EI24: variants seen among roughly 807,000 people sequenced by gnomAD.
EI24 encodes the protein etoposide-induced protein 2.4 homolog.
Under a neutral mutation model 48.6 loss-of-function variants are expected in EI24, and 21 were observed. The observed-to-expected ratio is 0.43, with a 90% CI of 0.31 to 0.62. The LOEUF (loss-of-function observed/expected upper bound fraction) is 0.62. Among genes scored for constraint, EI24 ranks in the 20% least tolerant of loss-of-function variants. EI24 has a pLI of 0.10. For synonymous variants in EI24, 114 were observed against 145.5 expected (o/e 0.78, Z 1.56); for missense variants, 280 against 410.5 (o/e 0.68, Z 2.75).
chr11:125,579,102 T>C (rs1938879306), intron 7 of EI24, 34 bp downstream of exon 7: 1 of 1,538,934 alleles, frequency 6.5e-7, no homozygotes, highest in African/African-American at 1.4e-5. Flanking sequence ...TGGGCAGCTT[T>C]ATTAAAAAGA....
intron 1 of EI24, among the ~76,000 whole-genome samples, chr11:125,571,498 A>C (rs538784914): frequency 6.6e-6 from 1 of 152,374 alleles, no homozygotes; most frequent in East Asian, 1.9e-4. Flanking sequence ...GTTTATACAT[A>C]TGAACTTTTT....
rs33956827 is a variant in EI24 at position 125,581,537 on chromosome 11, C to CTTTTTT, written c.785+237_785+242dup. 4.9e-4 allele frequency among the ~76,000 whole-genome samples: 25 copies of CTTTTTT among 50,746 alleles called. 7 individuals are homozygous for CTTTTTT. The highest frequency in any genetic ancestry group is 7.1e-4 in the Non-Finnish European group (21 of 29,620). The allele number at this position is 50,746 out of a possible 152,430, so 33.3% of individuals were successfully genotyped here. The stretch of plus-strand genomic sequence containing the variant: ...TATGTTGCCTCCTGAAGCAATTATT[C>CTTTTTT]TTTTTTTTTTTTTTTTTTTTTTTTT... On this transcript the variant is annotated intron_variant, in intron 9 of 10. Coordinates refer to ENST00000278903, the MANE Select transcript of EI24 (RefSeq NM_004879.5).
chr11:125,575,377 A>G lies in EI24; in HGVS notation c.157A>G (p.Arg53Gly), dbSNP rs766788418. The change falls in exon 3 of 11, where the codon AGA becomes GGA. Residue 53 changes from arginine to glycine, a missense_variant. Around this residue, in one of 3 missense-constraint regions of EI24, gnomAD observed 204 missense variants for 294.1 expected, o/e 0.69. Coordinates refer to ENST00000278903, the MANE Select transcript of EI24 (RefSeq NM_004879.5). ...RRASSVLAQR[R>G]AQSIERKQES... ...GGCAAGTAGTGTCTTGGCACAGAGA[A>G]GAGCCCAGAGTATAGAGCGGAAGCA... 3.8e-6 allele frequency: 6 copies of G among 1,594,554 alleles called. No homozygotes were observed. Among genetic ancestry groups the G allele is most frequent in the Non-Finnish European group, 5.1e-6 (6 of 1,170,360 alleles).
intron 2 of EI24, chr11:125,573,679 C>T (rs1203741822): frequency 8.6e-5 from 8 of 93,218 alleles, no homozygotes; most frequent in Admixed American, 3.1e-4. Flanking sequence ...ATATGATCTC[C>T]TTTTTTTTTT....
chr11:125,579,379 G>A (rs979869625), intron 7 of EI24, among the ~76,000 whole-genome samples: 9 of 150,432 alleles, frequency 6.0e-5, no homozygotes, highest in African/African-American at 1.7e-4. Context: ...AGAGACAGAC[G>A]GGTCGGCTGG....
At chr11:125,574,771 A>G (rs912264833) in intron 2 of EI24, 19 of 153,144 alleles carry the variant, frequency 1.2e-4, no homozygotes, top group African/African-American at 4.1e-4. Context: ...AGAGATTACC[A>G]TGGCTCCTGT....
At chr11:125,578,893 G>A (rs1938867507) in intron 6 of EI24, 56 bp from the exon 7 acceptor site, 1 of 1,536,106 alleles carries the variant, frequency 6.5e-7, no homozygotes, top group Admixed American at 2.0e-5. Context: ...CCTTAGCTTT[G>A]GGGATGTATA....
intron 5 of EI24, chr11:125,577,887 C>T (rs1411559733): frequency 1.0e-5 from 6 of 585,170 alleles, no homozygotes; most frequent in South Asian, 2.2e-5. Context: ...TGTGGCATCT[C>T]GTTACCATCA....
intron 1 of EI24, chr11:125,569,800 G>C (rs984267776): frequency 4.8e-5 from 13 of 271,202 alleles, no homozygotes; most frequent in Non-Finnish European, 2.8e-5. Context: ...GACCCGGAGC[G>C]TGCGTGATCC....
chr11:125,579,205 A>T (rs1938883532), intron 7 of EI24, 137 bp downstream of exon 7: 2 of 751,384 alleles, frequency 2.7e-6, no homozygotes, highest in South Asian at 5.1e-5. Flanking sequence ...ATGATTTTTA[A>T]ATCTTTTTTT....
chr11:125,570,546 T>A (rs1938497707), intron 1 of EI24: 2 of 152,170 alleles, frequency 1.3e-5, no homozygotes, highest in African/African-American at 4.8e-5. Flanking sequence ...AGAAACCAGG[T>A]GTTAGCTGGC....
At chr11:125,577,941 TGA>T (rs1938816891) in intron 5 of EI24, 190 bp from the exon 6 acceptor site, 4 of 666,016 alleles carry the variant, frequency 6.0e-6, no homozygotes, top group Non-Finnish European at 1.0e-5. Flanking sequence ...ATGGTTTCTT[TGA>T]ATTGGAATTG....
Position 125,580,158 on chromosome 11 carries a change from C to A in EI24, c.627C>A (p.Ser209=). Reference sequence around the variant, plus strand: ...AGCTGGTTAGTCTCCTGCATATGTCCCTTCTCTACTCACTGTACTGCTTTG... The same window carrying A: ...AGCTGGTTAGTCTCCTGCATATGTCACTTCTCTACTCACTGTACTGCTTTG... ...VGQLVSLLHM[S]LLYSLYCFEY... is the part of the protein sequence containing the mutation. Residue 209 remains serine, a synonymous_variant, in exon 8 of 11, where the codon TCC becomes TCA. Coordinates refer to ENST00000278903, the MANE Select transcript of EI24 (RefSeq NM_004879.5). 1.2e-6 allele frequency: 2 copies of A among 1,613,774 alleles called. No individual in the cohort carries two copies. The highest frequency in any genetic ancestry group is 1.7e-6 in the Non-Finnish European group (2 of 1,179,702).
At chr11:125,579,963 C>A in intron 7 of EI24, 130 bp from the exon 8 acceptor site, 1 of 744,472 alleles carries the variant, frequency 1.3e-6, no homozygotes, top group Non-Finnish European at 2.4e-6. Flanking sequence ...TGTGCCCACC[C>A]TGCACTCGGC....
rs192578033 is a variant in EI24, at chr11:125,579,582, G to A, written c.562-511G>A. On this transcript the variant is annotated intron_variant, in intron 7 of 10. Transcript: ENST00000278903. ...CTCGGGAAGCTGAGGCAGGAGAATC[G>A]CTTGAACCCAGGAGGCAGAGATTGT... 6.1e-3 allele frequency among the ~76,000 whole-genome samples: 927 copies of A among 152,178 alleles called. 5 individuals are homozygous for A. The highest frequency in any genetic ancestry group is 0.021 in the African/African-American group (885 of 41,514).
Position 125,582,440 on chromosome 11 carries a change from G to T in EI24, c.860+20G>T, listed in dbSNP as rs1251176795. 1 of 1,571,118 alleles carries T rather than the reference G, an allele frequency of 6.4e-7. No individual in the cohort carries two copies. The highest frequency in any genetic ancestry group is 1.9e-5 in the Admixed American group (1 of 52,964). On this transcript the variant is annotated intron_variant, in intron 10 of 10. Coordinates refer to ENST00000278903, the MANE Select transcript of EI24 (RefSeq NM_004879.5). Reference sequence around the variant, plus strand: ...AGCATAGTAAGTATTAGCCAGTGATGAAATTTTTGCTGTGTAAAGGGTTGG... The same window carrying T: ...AGCATAGTAAGTATTAGCCAGTGATTAAATTTTTGCTGTGTAAAGGGTTGG...
chr11:125,571,857 C>T (rs923111772), intron 1 of EI24, among the ~76,000 whole-genome samples: 1 of 152,072 alleles, frequency 6.6e-6, no homozygotes, highest in African/African-American at 2.4e-5. Context: ...GCCTGGGCAA[C>T]AAGAGCGAGA....
At position 125,584,454 on chromosome 11, in the gene EI24, C is replaced by G. The variant is rs1939152969; in HGVS notation, c.*771C>G. The G allele has an allele frequency of 6.6e-6, 1 of 152,566 alleles. No individual in the cohort carries two copies. The highest frequency in any genetic ancestry group is 1.5e-5 in the Non-Finnish European group (1 of 68,046). 9.5% of individuals were successfully genotyped at this position (152,566 alleles called of 1,614,324 possible). On this transcript the variant is annotated 3_prime_UTR_variant, in exon 11 of 11. Transcript: ENST00000278903. ...ACACTAAACCTGAACTTTTCAACTC[C>G]GTTGGTGGTGGGAGGCAGCGGGCAG... is the stretch of plus-strand genomic sequence containing the variant.
chr11:125,579,616 G>A (rs1938907353), intron 7 of EI24, among the ~76,000 whole-genome samples: 1 of 152,066 alleles, frequency 6.6e-6, no homozygotes, highest in Non-Finnish European at 1.5e-5. Context: ...GTAGTGAGCC[G>A]AGATCGCGCC....
Sources: gnomAD v4.1 joint callset for allele counts (sites outside exome capture counted in the v4.1 genomes callset) on GRCh38, gnomAD v4.1.1 for gene constraint, gnomAD v4.1.1 regional missense constraint, MANE v1.5 for transcripts, NCBI Gene and HGNC (gene_info 2026-07-23, HGNC 2026-07-21) for gene names.